The following ATXN10 variants were observed in gnomAD, a reference collection of about 807,000 sequenced individuals.
ATXN10 encodes the protein ataxin-10.
A neutral mutation model predicts 52.9 loss-of-function variants in ATXN10; 28 were observed. The ratio of observed to expected loss-of-function variants is 0.53; its 90% CI spans 0.39 to 0.73. The LOEUF is 0.73. ATXN10 is among the 30% of genes least tolerant of loss of function. ATXN10 has a pLI of 0.00. For missense variants in ATXN10, 565 were observed against 577.0 expected, an observed-to-expected ratio of 0.98 and a Z score of 0.21; for synonymous variants, 226 against 221.5, an observed-to-expected ratio of 1.02 and a Z score of -0.18.
At position 45,702,722 on chromosome 22, in the gene ATXN10, T is replaced by A. The variant is rs764874915; in HGVS notation, c.522T>A (p.Val174=). Reference sequence around the variant, plus strand: ...TAAATCATCCGGACAAAAAAATTGTTGCCTACTCTTCAATGATTTTGTTTA... The same window carrying A: ...TAAATCATCCGGACAAAAAAATTGTAGCCTACTCTTCAATGATTTTGTTTA... ...SCLNHPDKKI[V]AYSSMILFTS... is the part of the protein sequence containing the mutation. Residue 174 remains valine (V), a synonymous_variant, in exon 5 of 12, where the codon GTT becomes GTA. Coordinates refer to ENST00000252934, the MANE Select transcript of ATXN10 (RefSeq NM_013236.4). 24 of 1,613,910 alleles carry A rather than the reference T, an allele frequency of 1.5e-5. No individual in the cohort carries two copies. Among genetic ancestry groups the A allele is most frequent in the Non-Finnish European group, 2.0e-5 (24 of 1,179,956 alleles).
At chr22:45,730,634 G>A (rs1316054824) in intron 7 of ATXN10, among the ~76,000 whole-genome samples, 3 of 152,072 alleles carry the variant, frequency 2.0e-5, no homozygotes, top group East Asian at 1.9e-4. Flanking sequence ...ACGGGGTTTC[G>A]GCATATTGGC....
rs745955956 is a variant in ATXN10, at chr22:45,738,763, C to A, written c.927C>A (p.Val309=). ...EALATIRLLD[V]LCEMTVNTEL... ...TGGCTACAATTAGGCTTCTCGACGTCCTGTGCGAAATGACTGTGAATACTG... is the reference window on the plus strand; with the variant it reads ...TGGCTACAATTAGGCTTCTCGACGTACTGTGCGAAATGACTGTGAATACTG... The change falls in exon 8 of 12, where the codon GTC becomes GTA. Residue 309 remains valine (V), a synonymous_variant. Coordinates refer to ENST00000252934, the MANE Select transcript of ATXN10 (RefSeq NM_013236.4). 14 of 1,614,008 alleles carry A rather than the reference C, an allele frequency of 8.7e-6. No homozygotes were observed. The East Asian group carries it at 3.1e-4, about 36-fold the overall frequency.
intron 5 of ATXN10, among the ~76,000 whole-genome samples, chr22:45,717,125 T>A (rs1237986646): frequency 6.6e-6 from 1 of 152,174 alleles, no homozygotes; most frequent in Non-Finnish European, 1.5e-5. Flanking sequence ...TTCTAGGGAT[T>A]GGCGAAATAC....
At chr22:45,815,878 G>GT (rs1256039035) in intron 10 of ATXN10, among the ~76,000 whole-genome samples, 1 of 152,148 alleles carries the variant, frequency 6.6e-6, no homozygotes, top group Non-Finnish European at 1.5e-5. Context: ...TGAGGGACAG[G>GT]TGACTATACA....
intron 2 of ATXN10, among the ~76,000 whole-genome samples, chr22:45,691,500 T>TTAAGTG (rs906326890): frequency 6.6e-6 from 1 of 152,254 alleles, no homozygotes; most frequent in African/African-American, 2.4e-5. Context: ...GAGTCACTTG[T>TTAAGTG]TAAGTGAGAG....
chr22:45,815,951 A>G (rs569048662), intron 10 of ATXN10, among the ~76,000 whole-genome samples: 39 of 152,264 alleles, frequency 2.6e-4, no homozygotes, highest in Non-Finnish European at 5.0e-4. Flanking sequence ...GTAACCACTC[A>G]ATAAAATTCA....
intron 9 of ATXN10, among the ~76,000 whole-genome samples, chr22:45,768,726 A>G (rs1311142309): frequency 1.3e-5 from 2 of 152,208 alleles, no homozygotes; most frequent in East Asian, 3.8e-4. Flanking sequence ...TTTACAGATT[A>G]AAACTATTTA....
rs912325318 is a variant in ATXN10 at position 45,715,587 on chromosome 22, C to G, written c.648-2826C>G. Among the ~76,000 whole-genome samples the G allele has an allele frequency of 6.6e-6, 1 of 152,168 alleles. No homozygotes were observed. Among genetic ancestry groups the G allele is most frequent in the South Asian group, 2.1e-4 (1 of 4,826 alleles). On this transcript the variant is annotated intron_variant, in intron 5 of 11. Coordinates refer to ENST00000252934, the MANE Select transcript of ATXN10 (RefSeq NM_013236.4). The surrounding 1 kb of genome is among the most constrained non-coding windows in gnomAD (Gnocchi z 4.4). Reference sequence around the variant, plus strand: ...TTCTTAGTATATTTTATCTGTGCCCCAAGACAATTCTTCTTCCAGTGTGGC... The same window carrying G: ...TTCTTAGTATATTTTATCTGTGCCCGAAGACAATTCTTCTTCCAGTGTGGC...
At position 45,729,484 on chromosome 22, in the gene ATXN10, A is replaced by T. The variant is rs773185560; in HGVS notation, c.788A>T (p.Asp263Val). 10 of 1,614,042 alleles carry T rather than the reference A, an allele frequency of 6.2e-6. No individual in the cohort carries two copies. The Admixed American group carries it at 1.7e-4, about 27-fold the overall frequency. ...KITSDEPLTK[D>V]DIPVFLRHAE... The stretch of plus-strand genomic sequence containing the variant: ...ACGAGTGATGAGCCACTCACCAAGG[A>T]TGACATCCCTGTGTTTTTGCGGCAT... The change falls in exon 7 of 12, where the codon GAT becomes GTT. Residue 263 changes from aspartate (D) to valine (V), a missense_variant. Asp to Val is a radical substitution (Grantham distance 152, BLOSUM62 -3). Coordinates refer to ENST00000252934, the MANE Select transcript of ATXN10 (RefSeq NM_013236.4).
At chr22:45,756,263 A>G (rs376078855) in intron 9 of ATXN10, among the ~76,000 whole-genome samples, 7 of 151,972 alleles carry the variant, frequency 4.6e-5, no homozygotes, top group Admixed American at 2.0e-4. Flanking sequence ...TCCCACCTCA[A>G]TCTCCTGAGT....
intron 9 of ATXN10, among the ~76,000 whole-genome samples, chr22:45,756,147 C>CTT (rs145197366): frequency 9.9e-5 from 15 of 150,766 alleles, no homozygotes; most frequent in South Asian, 8.4e-4. Context: ...TTTACCTAGA[C>CTT]TTTTTTTTTT....
rs1484623331 is a variant in ATXN10, at chr22:45,769,326, A to G, written c.1173+28788A>G. Reference sequence around the variant, plus strand: ...CAGACACATTTTTGTTGTTATATTCATAGACACAACAGACATTTCTACAGG... The same window carrying G: ...CAGACACATTTTTGTTGTTATATTCGTAGACACAACAGACATTTCTACAGG... On this transcript the variant is annotated intron_variant, in intron 9 of 11. Coordinates refer to ENST00000252934, the MANE Select transcript of ATXN10 (RefSeq NM_013236.4). This position sits in a 1 kb window ranked among gnomAD's most constrained non-coding sequence, Gnocchi z 4.2. 6.6e-6 allele frequency among the ~76,000 whole-genome samples: 1 copy of G among 152,026 alleles called. No individual in the cohort carries two copies. Among genetic ancestry groups the G allele is most frequent in the Non-Finnish European group, 1.5e-5 (1 of 68,028 alleles).
rs1413694437 is a variant in ATXN10 at position 45,688,378 on chromosome 22, G to A, written c.117-1334G>A. On this transcript the variant is annotated intron_variant, in intron 1 of 11. Transcript: ENST00000252934. The surrounding 1 kb of genome is among the most constrained non-coding windows in gnomAD (Gnocchi z 4.0). ...ATAAATACGAGAAAAAGATAAGGGG[G>A]GAAATTAGGGGTAGTGGAAAAGCCA... is the stretch of plus-strand genomic sequence containing the variant. Among the ~76,000 whole-genome samples, 2 of 152,106 alleles carry A rather than the reference G, an allele frequency of 1.3e-5. No homozygotes were observed. The highest frequency in any genetic ancestry group is 1.3e-4 in the Admixed American group (2 of 15,268).
rs1218862979 is a variant in ATXN10, at chr22:45,828,707, A to C, written c.1238-14284A>C. 1.3e-5 allele frequency among the ~76,000 whole-genome samples: 2 copies of C among 152,236 alleles called. No individual in the cohort carries two copies. Among genetic ancestry groups the C allele is most frequent in the African/African-American group, 4.8e-5 (2 of 41,460 alleles). On this transcript the variant is annotated intron_variant, in intron 10 of 11. Coordinates refer to ENST00000252934, the MANE Select transcript of ATXN10 (RefSeq NM_013236.4). The surrounding 1 kb of genome is among the most constrained non-coding windows in gnomAD (Gnocchi z 4.5). The stretch of plus-strand genomic sequence containing the variant: ...TTATAAAATATGGATAGACCTAGTT[A>C]TAGTAAGTACTATAGTAAGTACTAT...
At chr22:45,788,547 G>A (rs11090656) in intron 9 of ATXN10, among the ~76,000 whole-genome samples, 1 of 151,510 alleles carries the variant, frequency 6.6e-6, no homozygotes, top group Non-Finnish European at 1.5e-5. Flanking sequence ...TCCTCACTGG[G>A]CTTCTTCGTG....
intron 9 of ATXN10, among the ~76,000 whole-genome samples, chr22:45,804,401 T>A (rs559381471): frequency 1.3e-5 from 2 of 152,302 alleles, no homozygotes; most frequent in East Asian, 3.9e-4. Flanking sequence ...CTGGAAAAAA[T>A]TACAGAAATT....
rs4823324 is a variant in ATXN10, at chr22:45,842,243, T to C, written c.1238-748T>C. ...GCTTAATGTTTGCATGAGGTTTACA[T>C]GGCTCTTGGTGATTAAATCAAATGC... On this transcript the variant is annotated intron_variant, in intron 10 of 11. Coordinates refer to ENST00000252934, the MANE Select transcript of ATXN10 (RefSeq NM_013236.4). This position sits in a 1 kb window ranked among gnomAD's most constrained non-coding sequence, Gnocchi z 4.8. Among the ~76,000 whole-genome samples, 63,463 of 151,882 alleles carry C rather than the reference T, an allele frequency of 0.42. 13,406 individuals carry two copies. Among genetic ancestry groups the C allele is most frequent in the East Asian group, 0.55 (2,845 of 5,138 alleles).
intron 10 of ATXN10, among the ~76,000 whole-genome samples, chr22:45,831,357 T>C (rs1373266588): frequency 6.6e-6 from 1 of 151,966 alleles, no homozygotes; most frequent in Non-Finnish European, 1.5e-5. Context: ...TTATGTTACG[T>C]GTACCTTACC....
Position 45,715,541 on chromosome 22 carries a change from T to C in ATXN10, c.648-2872T>C, listed in dbSNP as rs1303059765. 6.6e-6 allele frequency among the ~76,000 whole-genome samples: 1 copy of C among 152,190 alleles called. No homozygotes were observed. Among genetic ancestry groups the C allele is most frequent in the Non-Finnish European group, 1.5e-5 (1 of 68,030 alleles). On this transcript the variant is annotated intron_variant, in intron 5 of 11. Coordinates refer to ENST00000252934, the MANE Select transcript of ATXN10 (RefSeq NM_013236.4). The surrounding 1 kb of genome is among the most constrained non-coding windows in gnomAD (Gnocchi z 4.4). ...TGTTTTTGTTATTTGCTGTTGTTGT[T>C]GTTGTTAAGCTCATTAGCTATTCTT...
Sources: gnomAD v4.1 joint callset for allele counts (sites outside exome capture counted in the v4.1 genomes callset) on GRCh38, gnomAD v4.1.1 for gene constraint, Gnocchi (gnomAD v3.1) non-coding constraint, MANE v1.5 for transcripts, NCBI Gene and HGNC (gene_info 2026-07-23, HGNC 2026-07-21) for gene names.